FLG2: variants seen among roughly 807,000 people sequenced by gnomAD.
The protein encoded by FLG2 is filaggrin 2.
In FLG2, 7 loss-of-function variants were observed where a neutral mutation model predicts 3.9. That is an observed-to-expected ratio of 1.79 (90% CI 1.02 to 3.36). The LOEUF is 3.36. Among genes scored for constraint, FLG2 ranks in the 30% most tolerant of loss-of-function variants. FLG2 has a pLI of 0.00. For synonymous variants in FLG2, 1,031 were observed against 1,056.1 expected (o/e 0.98, Z 0.46); for missense variants, 2,700 against 2,809.4 (o/e 0.96, Z 0.88).
rs2101680234 is a variant in FLG2 at position 152,355,673 on chromosome 1, C to T, written c.2113G>A (p.Gly705Ser). 6.2e-7 allele frequency: 1 copy of T among 1,613,846 alleles called. No individual in the cohort carries two copies. The highest frequency in any genetic ancestry group is 8.5e-7 in the Non-Finnish European group (1 of 1,180,002). The change falls in exon 3 of 3, where the codon GGC becomes AGC. Residue 705 changes from glycine to serine, a missense_variant. Transcript: ENST00000388718. ...QHGFGSSQSS[G>S]YGQHGSSSGQ... ...GAACTTGACCCATGTTGACCATAGC[C>T]AGATGATTGACTTGAGCCAAAACCA...
In FLG2 at chr1:152,352,577, A is replaced by C. The variant is rs1331865211; in HGVS notation, c.5209T>G (p.Tyr1737Asp). The C allele has an allele frequency of 6.3e-7, 1 of 1,577,900 alleles. No individual in the cohort carries two copies. The highest frequency in any genetic ancestry group is 8.6e-7 in the Non-Finnish European group (1 of 1,165,160). Residue 1737 changes from tyrosine (Y) to aspartate (D), a missense_variant, in exon 3 of 3, where the codon TAC (tyrosine) becomes GAC (aspartate). By Grantham distance (160) the Tyr-to-Asp change is radical. Coordinates refer to ENST00000388718, the MANE Select transcript of FLG2 (RefSeq NM_001014342.3). ...GAATGTGTATGTGAGACTCCTGAGT[A>C]CCCTTCACTGTCACTGTACTCACTG... Reference protein sequence around the residue: ...GHSEYSDSEGYSGVSHTHSGH... With the variant: ...GHSEYSDSEGDSGVSHTHSGH...
chr1:152,350,247 T>C lies in FLG2; in HGVS notation c.*363A>G, dbSNP rs74649003. 6.4e-3 allele frequency: 1,481 copies of C among 230,648 alleles called. 22 individuals are homozygous for C. Among genetic ancestry groups the C allele is most frequent in the African/African-American group, 0.031 (1,392 of 44,214 alleles). 14.3% of individuals were successfully genotyped at this position (230,648 alleles called of 1,614,324 possible). Reference sequence around the variant, plus strand: ...CATGAGTGTCTTTCTCCCAATCTTCTGAATGCTTTTTGTTATCAGTATGGG... The same window carrying C: ...CATGAGTGTCTTTCTCCCAATCTTCCGAATGCTTTTTGTTATCAGTATGGG... On this transcript the variant is annotated 3_prime_UTR_variant, in exon 3 of 3. Coordinates refer to ENST00000388718, the MANE Select transcript of FLG2 (RefSeq NM_001014342.3).
Position 152,356,667 on chromosome 1 carries a change from GC to G in FLG2, c.1118del (p.Gly373AlafsTer64), listed in dbSNP as rs1654246716. On this transcript the variant is annotated frameshift_variant, in exon 3 of 3. Transcript: ENST00000388718. LOFTEE classifies it low-confidence loss of function (END_TRUNC). Reference protein sequence around the residue: ...PQNCGGQWRTGSSQSSCCGQY... With the variant: ...PQNCGGQWRTXSSQSSCCGQY... ...GTCCACAGCAAGAGGACTGACTTGA[GC>G]CTGTTCTCCATTGTCCTCCACAGTT... is the stretch of plus-strand genomic sequence containing the variant. 1 of 1,614,086 alleles carries G rather than the reference GC, an allele frequency of 6.2e-7. No homozygotes were observed. Among genetic ancestry groups the G allele is most frequent in the African/African-American group, 1.3e-5 (1 of 74,926 alleles).
rs774407703 is a variant in FLG2, at chr1:152,352,062, A to G, written c.5724T>C (p.His1908=). The change falls in exon 3 of 3, where the codon CAT becomes CAC. Residue 1908 remains histidine (H), a synonymous_variant. Transcript: ENST00000388718. Reference sequence around the variant, plus strand: ...TGTGAACTGTGGATTCTGACTCTCCATGTTGAGACCTGGCTTGGCTGTGTG... The same window carrying G: ...TGTGAACTGTGGATTCTGACTCTCCGTGTTGAGACCTGGCTTGGCTGTGTG... The part of the protein sequence containing the change: ...GHTHSQARSQ[H]GESESTVHKR... The G allele has an allele frequency of 1.2e-6, 2 of 1,613,068 alleles. No homozygotes were observed. The highest frequency in any genetic ancestry group is 1.7e-6 in the Non-Finnish European group (2 of 1,179,814).
At position 152,357,166 on chromosome 1, in the gene FLG2, C is replaced by A. The variant is rs1222097540; in HGVS notation, c.620G>T (p.Arg207Ile). Reference protein sequence around the residue: ...HGSSSVELRERINKSHISPSR... With the variant: ...HGSSSVELREIINKSHISPSR... ...AGGGCTAATGTGTGACTTGTTTATT[C>A]TTTCTCTCAGTTCTACAGAGCTGGA... The change falls in exon 3 of 3, where the codon AGA (arginine) becomes ATA (isoleucine). Residue 207 changes from arginine (R) to isoleucine (I), a missense_variant. Physicochemically the swap from Arg to Ile is moderately conservative, Grantham distance 97. Coordinates refer to ENST00000388718, the MANE Select transcript of FLG2 (RefSeq NM_001014342.3). 1 of 1,614,050 alleles carries A rather than the reference C, an allele frequency of 6.2e-7. No individual in the cohort carries two copies. Among genetic ancestry groups the A allele is most frequent in the African/African-American group, 1.3e-5 (1 of 74,926 alleles).
rs965613280 is a variant in FLG2 at position 152,354,276 on chromosome 1, C to T, written c.3510G>A (p.Glu1170=). Residue 1170 remains glutamate (E), a synonymous_variant, in exon 3 of 3, where the codon GAG becomes GAA. Coordinates refer to ENST00000388718, the MANE Select transcript of FLG2 (RefSeq NM_001014342.3). ...AACTTGTGGTTGGACCTGAGCCAGA[C>T]TCATGTTGGCCACAGCCAGATGATT... ...SSQSSGCGQH[E]SGSGPTTSFG... 1.7e-5 allele frequency: 27 copies of T among 1,613,916 alleles called. No individual in the cohort carries two copies. The highest frequency in any genetic ancestry group is 2.3e-5 in the Non-Finnish European group (27 of 1,179,930).
Position 152,350,452 on chromosome 1 carries a change from T to C in FLG2, c.*158A>G, listed in dbSNP as rs939604412. On this transcript the variant is annotated 3_prime_UTR_variant, in exon 3 of 3. Coordinates refer to ENST00000388718, the MANE Select transcript of FLG2 (RefSeq NM_001014342.3). Reference sequence around the variant, plus strand: ...TTTATGAGTTACTATAGAATGTCCATGACTAGATTCCTGACTTCTTATAAT... The same window carrying C: ...TTTATGAGTTACTATAGAATGTCCACGACTAGATTCCTGACTTCTTATAAT... 69 of 939,056 alleles carry C rather than the reference T, an allele frequency of 7.3e-5. No individual in the cohort carries two copies. In the African/African-American group the frequency reaches 7.8e-4, roughly 11 times the overall value. The allele number at this position is 939,056 out of a possible 1,614,324, so 58.2% of individuals were successfully genotyped here. A position where few individuals can be genotyped will look rare whatever the true frequency, so the allele number is the denominator to read the frequency against.
At position 152,355,524 on chromosome 1, in the gene FLG2, T is replaced by C. The variant is rs187132629; in HGVS notation, c.2262A>G (p.Gln754=). 1.3e-4 allele frequency: 205 copies of C among 1,612,500 alleles called. 2 individuals are homozygous for C. In the East Asian group the frequency reaches 4.5e-3, roughly 36 times the overall value. The change falls in exon 3 of 3, where the codon CAA becomes CAG. Residue 754 remains glutamine, a synonymous_variant. Transcript: ENST00000388718. ...GFGQHGSGSG[Q]SSGFGQHESR... Reference sequence around the variant, plus strand: ...ACTCATGTTGTCCAAAGCCAGAGGATTGTCCTGAGCCAGACCCATGTTGTC... The same window carrying C: ...ACTCATGTTGTCCAAAGCCAGAGGACTGTCCTGAGCCAGACCCATGTTGTC...
rs1164882100 is a variant in FLG2 at position 152,353,348 on chromosome 1, G to C, written c.4438C>G (p.His1480Asp). 1 of 1,609,166 alleles carries C rather than the reference G, an allele frequency of 6.2e-7. No individual in the cohort carries two copies. The highest frequency in any genetic ancestry group is 1.7e-5 in the Admixed American group (1 of 59,506). ...GQTGDTTRHAHYHHGKSTQRG... is the reference protein window; with the variant it reads ...GQTGDTTRHADYHHGKSTQRG... ...TGTGTGGATTTTCCATGATGATAGT[G>C]GGCATGTCTAGTGGTATCTCCTGTC... The change falls in exon 3 of 3, where the codon CAC (histidine) becomes GAC (aspartate). Residue 1480 changes from histidine (H) to aspartate (D), a missense_variant. Coordinates refer to ENST00000388718, the MANE Select transcript of FLG2 (RefSeq NM_001014342.3).
At position 152,355,278 on chromosome 1, in the gene FLG2, A is replaced by C; in HGVS notation, c.2508T>G (p.His836Gln). Residue 836 changes from histidine to glutamine, a missense_variant, in exon 3 of 3, where the codon CAT (histidine) becomes CAG (glutamine). By Grantham distance (24) the His-to-Gln change is conservative (BLOSUM62 0). Coordinates refer to ENST00000388718, the MANE Select transcript of FLG2 (RefSeq NM_001014342.3). ...AGCTGGACTGATGTGATCTAGACTC[A>C]TGCTGTCCAAAGCCAGAGGATTGTC... ...GSGQSSGFGQ[H>Q]ESRSHQSSYG... The C allele has an allele frequency of 6.2e-7, 1 of 1,613,622 alleles. No homozygotes were observed. The highest frequency in any genetic ancestry group is 8.5e-7 in the Non-Finnish European group (1 of 1,179,876).
At position 152,352,862 on chromosome 1, in the gene FLG2, C is replaced by T; in HGVS notation, c.4924G>A (p.Gly1642Arg). The stretch of plus-strand genomic sequence containing the variant: ...CTCTGTCTTCCAGTTGTCCTGGACC[C>T]TCTCTGTGTGGACTGTCCATGACCA... ...HSGHGQSTQR[G>R]SRTTGRQRSS... The change falls in exon 3 of 3, where the codon GGG becomes AGG. Residue 1642 changes from glycine to arginine, a missense_variant. Physicochemically the swap from Gly to Arg is moderately radical, Grantham distance 125. Transcript: ENST00000388718. 6.2e-7 allele frequency: 1 copy of T among 1,613,486 alleles called. No individual in the cohort carries two copies. The highest frequency in any genetic ancestry group is 8.5e-7 in the Non-Finnish European group (1 of 1,179,826).
rs1488234801 is a variant in FLG2, at chr1:152,354,831, A to G, written c.2955T>C (p.Ser985=). The G allele has an allele frequency of 1.4e-5, 22 of 1,613,782 alleles. No homozygotes were observed. Among genetic ancestry groups the G allele is most frequent in the Non-Finnish European group, 1.9e-5 (22 of 1,179,960 alleles). The change falls in exon 3 of 3, where the codon TCT becomes TCC. Residue 985 remains serine (S), a synonymous_variant. Coordinates refer to ENST00000388718, the MANE Select transcript of FLG2 (RefSeq NM_001014342.3). ...ATCTAGACTCATGCTGTCCAAAGCC[A>G]GAGGATTTTCCTGAGCCTGACTCAT... ...GQHESGSGKS[S]GFGQHESRSS...
At position 152,354,603 on chromosome 1, in the gene FLG2, G is replaced by C. The variant is rs369820490; in HGVS notation, c.3183C>G (p.Ser1061=). 3 of 1,613,566 alleles carry C rather than the reference G, an allele frequency of 1.9e-6. No individual in the cohort carries two copies. In the African/African-American group the frequency reaches 4.0e-5, roughly 22 times the overall value. ...TAGACTCATATTGTCCAAAACCAGA[G>C]GATTGTCCTGAACCAGTCCCATGTT... The part of the protein sequence containing the change: ...FGQHGTGSGQ[S]SGFGQYESRS... The change falls in exon 3 of 3, where the codon TCC becomes TCG. Residue 1061 remains serine, a synonymous_variant. Coordinates refer to ENST00000388718, the MANE Select transcript of FLG2 (RefSeq NM_001014342.3).
At position 152,356,983 on chromosome 1, in the gene FLG2, G is replaced by A. The variant is rs1269618976; in HGVS notation, c.803C>T (p.Ser268Leu). The change falls in exon 3 of 3, where the codon TCA (serine) becomes TTA (leucine). Residue 268 changes from serine (S) to leucine (L), a missense_variant. Physicochemically the swap from Ser to Leu is moderately radical, Grantham distance 145. Transcript: ENST00000388718. Reference sequence around the variant, plus strand: ...TCGCCTCCCACTGTCTCCTGAACCTGAACAGCTAGACCCAAGCTTTTGTTC... The same window carrying A: ...TCGCCTCCCACTGTCTCCTGAACCTAAACAGCTAGACCCAAGCTTTTGTTC... ...IREQKLGSSC[S>L]GSGDSGRRSH... 6.2e-7 allele frequency: 1 copy of A among 1,614,006 alleles called. No homozygotes were observed.
chr1:152,359,414 G>T (rs755655204), intron 1 of FLG2, among the ~76,000 whole-genome samples: 22 of 152,098 alleles, frequency 1.4e-4, no homozygotes, highest in Non-Finnish European at 2.2e-4. Flanking sequence ...ATGGGCAAAG[G>T]GGCTCAAAAT....
chr1:152,356,197 C>A lies in FLG2; in HGVS notation c.1589G>T (p.Gly530Val). ...TGATCTAGACTCATGTTGTCCAAAACCAGAGGATTGTCCTGAGACAGACCC... is the reference window on the plus strand; with the variant it reads ...TGATCTAGACTCATGTTGTCCAAAAACAGAGGATTGTCCTGAGACAGACCC... ...QHGSVSGQSSGFGQHESRSRQ... is the reference protein window; with the variant it reads ...QHGSVSGQSSVFGQHESRSRQ... Residue 530 changes from glycine to valine, a missense_variant, in exon 3 of 3, where the codon GGT becomes GTT. Transcript: ENST00000388718. 6.2e-7 allele frequency: 1 copy of A among 1,613,352 alleles called. No homozygotes were observed. The highest frequency in any genetic ancestry group is 8.5e-7 in the Non-Finnish European group (1 of 1,179,642).
chr1:152,359,414 G>GGTT (rs1225512458), intron 1 of FLG2, among the ~76,000 whole-genome samples: 1 of 152,098 alleles, frequency 6.6e-6, no homozygotes, highest in Non-Finnish European at 1.5e-5. Flanking sequence ...ATGGGCAAAG[G>GGTT]GGCTCAAAAT....
In FLG2 at chr1:152,353,144, C is replaced by T; in HGVS notation, c.4642G>A (p.Gly1548Arg). Residue 1548 changes from glycine (G) to arginine (R), a missense_variant, in exon 3 of 3, where the codon GGA (glycine) becomes AGA (arginine). By Grantham distance (125) the Gly-to-Arg change is moderately radical. Transcript: ENST00000388718. ...DRHRITHGQT[G>R]DTTRHSYSGH... ...GAGTAGGAATGTCTAGTGGTATCTCCTGTCTGTCCATGAGTAATTCTGTGT... is the reference window on the plus strand; with the variant it reads ...GAGTAGGAATGTCTAGTGGTATCTCTTGTCTGTCCATGAGTAATTCTGTGT... 1 of 1,613,850 alleles carries T rather than the reference C, an allele frequency of 6.2e-7. No homozygotes were observed. Among genetic ancestry groups the T allele is most frequent in the Non-Finnish European group, 8.5e-7 (1 of 1,180,004 alleles).
rs761947505 is a variant in FLG2 at position 152,353,944 on chromosome 1, T to G, written c.3842A>C (p.His1281Pro). 3.1e-6 allele frequency: 5 copies of G among 1,614,210 alleles called. No individual in the cohort carries two copies. The highest frequency in any genetic ancestry group is 4.2e-6 in the Non-Finnish European group (5 of 1,180,024). Residue 1281 changes from histidine to proline, a missense_variant, in exon 3 of 3, where the codon CAC becomes CCC. Physicochemically the swap from His to Pro is moderately conservative, Grantham distance 77. Coordinates refer to ENST00000388718, the MANE Select transcript of FLG2 (RefSeq NM_001014342.3). ...SQSENSDSEV[H>P]SKVSHRHSEH... ...TGAATGTCTGTGTGAGACCTTTGAGTGCACTTCACTGTCACTGTTCTCACT... is the reference window on the plus strand; with the variant it reads ...TGAATGTCTGTGTGAGACCTTTGAGGGCACTTCACTGTCACTGTTCTCACT...
Sources: allele counts gnomAD v4.1 joint callset (sites outside exome capture counted in the v4.1 genomes callset), GRCh38; gene constraint gnomAD v4.1.1; transcripts MANE v1.5; gene names NCBI Gene and HGNC (gene_info 2026-07-23, HGNC 2026-07-21).